Variants in ZNF485 observed in about 807,000 individuals in gnomAD.
ZNF485 encodes zinc finger protein 485.
Under a neutral mutation model 10.8 loss-of-function variants are expected in ZNF485, and 9 were observed. The ratio of observed to expected loss-of-function variants is 0.83; its 90% CI spans 0.50 to 1.45. The LOEUF is 1.45. Among genes scored for constraint, ZNF485 ranks in the 40% most tolerant of loss-of-function variants. The probability of loss-of-function intolerance (pLI) is 0.00; values close to 1 mark genes in which losing one functional copy is unlikely to be tolerated. For missense variants in ZNF485, 487 were observed against 528.0 expected (o/e 0.92, Z 0.76); for synonymous variants, 187 against 181.0 (o/e 1.03, Z -0.27).
At chr10:43,610,071 C>T (rs1164596578) in intron 4 of ZNF485, among the ~76,000 whole-genome samples, 1 of 152,146 alleles carries the variant, frequency 6.6e-6, no homozygotes, top group African/African-American at 2.4e-5. Flanking sequence ...GTTGCAGATT[C>T]CAAACATAAG....
At chr10:43,616,239 CTTTCAGCA>C (rs1418491138) in intron 4 of ZNF485, 44 bp from the exon 5 acceptor site, 18 of 1,424,844 alleles carry the variant, frequency 1.3e-5, no homozygotes, top group Non-Finnish European at 1.3e-5. Flanking sequence ...ACAACTCTCA[CTTTCAGCA>C]TTTCAACATA....
intron 4 of ZNF485, among the ~76,000 whole-genome samples, chr10:43,613,812 C>T (rs1838807549): frequency 6.6e-6 from 1 of 152,204 alleles, no homozygotes; most frequent in Admixed American, 6.5e-5. Context: ...GTTCCATGTC[C>T]TGGCTAGCAC....
chr10:43,616,348 C>T lies in ZNF485; in HGVS notation c.305C>T (p.Ala102Val), dbSNP rs995708009. The part of the protein sequence containing the change: ...MSALKQSTSE[A>V]SVLGERTKSV... ...GCCCTAAAGCAAAGCACTTCTGAAG[C>T]ATCTGTTCTGGGAGAGCGAACGAAA... The change falls in exon 5 of 5, where the codon GCA (alanine) becomes GTA (valine). Residue 102 changes from alanine to valine, a missense_variant. Transcript: ENST00000361807. 1.2e-6 allele frequency: 2 copies of T among 1,611,244 alleles called. No homozygotes were observed. The highest frequency in any genetic ancestry group is 1.7e-5 in the Admixed American group (1 of 59,090).
At chr10:43,611,791 CT>C (rs1185042170) in intron 4 of ZNF485, among the ~76,000 whole-genome samples, 1 of 152,156 alleles carries the variant, frequency 6.6e-6, no homozygotes, top group Non-Finnish European at 1.5e-5. Flanking sequence ...TTGTATTTAT[CT>C]TTCCTGAGAA....
chr10:43,607,354 A>C, intron 2 of ZNF485: 1 of 570,534 alleles, frequency 1.8e-6, no homozygotes. Context: ...GTAGGCCATA[A>C]AGACATAGGG....
chr10:43,613,603 T>C (rs941755392), intron 4 of ZNF485, among the ~76,000 whole-genome samples: 1 of 152,246 alleles, frequency 6.6e-6, no homozygotes, highest in Non-Finnish European at 1.5e-5. Context: ...AGTTTCTCTC[T>C]TACATTCAGA....
chr10:43,612,253 T>A (rs920366255), intron 4 of ZNF485, among the ~76,000 whole-genome samples: 2 of 152,246 alleles, frequency 1.3e-5, no homozygotes, highest in African/African-American at 4.8e-5. Flanking sequence ...AATATGACAG[T>A]GGATGATTCT....
In ZNF485 at chr10:43,609,298, A is replaced by G. The variant is rs746501552; in HGVS notation, c.195A>G (p.Gln65=). 26 of 1,613,896 alleles carry G rather than the reference A, an allele frequency of 1.6e-5. 1 individual carries two copies. The highest frequency in any genetic ancestry group is 1.9e-5 in the Non-Finnish European group (23 of 1,179,960). ...CAAAACTAATTACTCAGTTGGAGCA[A>G]GGGGCAGAGCCCTGGACTGAGGTGC... ...SKPKLITQLE[Q]GAEPWTEVRE... is the part of the protein sequence containing the mutation. Residue 65 remains glutamine, a synonymous_variant, in exon 4 of 5, where the codon CAA becomes CAG. Transcript: ENST00000361807.
chr10:43,609,323 C>A lies in ZNF485; in HGVS notation c.220C>A (p.Arg74=). ...AGGGGCAGAGCCCTGGACTGAGGTG[C>A]GAGAGGCTCCATCAGGCACACATGC... The part of the protein sequence containing the change: ...EQGAEPWTEV[R]EAPSGTHAVE... The change falls in exon 4 of 5, where the codon CGA becomes AGA. Residue 74 remains arginine, a synonymous_variant. Coordinates refer to ENST00000361807, the MANE Select transcript of ZNF485 (RefSeq NM_145312.4). The A allele has an allele frequency of 2.5e-6, 4 of 1,613,844 alleles. No homozygotes were observed. The highest frequency in any genetic ancestry group is 3.4e-6 in the Non-Finnish European group (4 of 1,179,842).
At chr10:43,612,063 A>G (rs1281280139) in intron 4 of ZNF485, among the ~76,000 whole-genome samples, 1 of 152,248 alleles carries the variant, frequency 6.6e-6, no homozygotes, top group Non-Finnish European at 1.5e-5. Context: ...ATTTAAAGGA[A>G]GTATTTCATT....
rs993924405 is a variant in ZNF485, at chr10:43,607,775, C to G, written c.24+701C>G. Among the ~76,000 whole-genome samples, 3 of 152,046 alleles carry G rather than the reference C, an allele frequency of 2.0e-5. No individual in the cohort carries two copies. In the East Asian group the frequency reaches 5.8e-4, roughly 29 times the overall value. On this transcript the variant is annotated intron_variant, in intron 2 of 4. Transcript: ENST00000361807. The stretch of plus-strand genomic sequence containing the variant: ...AAACACACTTTTCATTTTTTTAAGG[C>G]TTACTCATTTTTTCTTTTAGTATTT...
chr10:43,616,916 C>G lies in ZNF485; in HGVS notation c.873C>G (p.Ile291Met). ...DNSTVLEHQKIHTGEKPYQCN... is the reference protein window; with the variant it reads ...DNSTVLEHQKMHTGEKPYQCN... ...CAACTGTGTTGGAACATCAGAAAAT[C>G]CATACTGGTGAGAAGCCATATCAGT... The change falls in exon 5 of 5, where the codon ATC becomes ATG. Residue 291 changes from isoleucine (I) to methionine (M), a missense_variant. By Grantham distance (10) the Ile-to-Met change is conservative. Transcript: ENST00000361807. The G allele has an allele frequency of 6.2e-7, 1 of 1,614,058 alleles. No individual in the cohort carries two copies. The highest frequency in any genetic ancestry group is 8.5e-7 in the Non-Finnish European group (1 of 1,180,034).
rs1339759499 is a variant in ZNF485, at chr10:43,617,456, G to C, written c.*87G>C. 3 of 958,734 alleles carry C rather than the reference G, an allele frequency of 3.1e-6. No homozygotes were observed. The highest frequency in any genetic ancestry group is 4.6e-6 in the Non-Finnish European group (3 of 646,776). 59.4% of individuals were successfully genotyped at this position (958,734 alleles called of 1,614,324 possible). On this transcript the variant is annotated 3_prime_UTR_variant, in exon 5 of 5. Coordinates refer to ENST00000361807, the MANE Select transcript of ZNF485 (RefSeq NM_145312.4). ...ATTATGCATTTAACAGAAATACTCT[G>C]TACTTCTGAGAGAACACATCACTTG...
Position 43,606,457 on chromosome 10 carries a change from AGCC to A in ZNF485, c.-143_-141del. Reference sequence around the variant, plus strand: ...CTCCGCGTGGTGCGAGCGCTGCACCAGCCCCTGGCTGGTGGTTACTGTCCGAAC... The same window carrying A: ...CTCCGCGTGGTGCGAGCGCTGCACCACCTGGCTGGTGGTTACTGTCCGAAC... On this transcript the variant is annotated 5_prime_UTR_variant, in exon 1 of 5. Coordinates refer to ENST00000361807, the MANE Select transcript of ZNF485 (RefSeq NM_145312.4). 2.4e-6 allele frequency: 1 copy of A among 412,284 alleles called. No homozygotes were observed. Among genetic ancestry groups the A allele is most frequent in the Non-Finnish European group, 4.5e-6 (1 of 220,504 alleles). 25.5% of individuals were successfully genotyped at this position (412,284 alleles called of 1,614,324 possible).
At chr10:43,614,398 C>G (rs751033246) in intron 4 of ZNF485, among the ~76,000 whole-genome samples, 1 of 152,110 alleles carries the variant, frequency 6.6e-6, no homozygotes, top group Non-Finnish European at 1.5e-5. Context: ...GCAATCCTGT[C>G]TCAGCTTCCT....
rs2132356220 is a variant in ZNF485, at chr10:43,617,179, A to G, written c.1136A>G (p.Glu379Gly). ...LTGHQRIHTG[E>G]KPYHCKKCGK... is the part of the protein sequence containing the mutation. ...GGACATCAGAGAATTCATACTGGAG[A>G]AAAACCCTATCACTGTAAGAAATGT... Residue 379 changes from glutamate (E) to glycine (G), a missense_variant, in exon 5 of 5, where the codon GAA becomes GGA. Transcript: ENST00000361807. The G allele has an allele frequency of 6.2e-7, 1 of 1,614,240 alleles. No individual in the cohort carries two copies. The highest frequency in any genetic ancestry group is 8.5e-7 in the Non-Finnish European group (1 of 1,180,038).
chr10:43,617,041 A>T lies in ZNF485; in HGVS notation c.998A>T (p.Lys333Ile). The change falls in exon 5 of 5, where the codon AAA (lysine) becomes ATA (isoleucine). Residue 333 changes from lysine (K) to isoleucine (I), a missense_variant. Coordinates refer to ENST00000361807, the MANE Select transcript of ZNF485 (RefSeq NM_145312.4). ...CCCTATCACTGCAGTAAATGTGGAA[A>T]ATCTTTCAGGTATAGCTCATCCTTT... ...EKPYHCSKCG[K>I]SFRYSSSFAG... 1.2e-6 allele frequency: 2 copies of T among 1,614,232 alleles called. No individual in the cohort carries two copies. Among genetic ancestry groups the T allele is most frequent in the Non-Finnish European group, 1.7e-6 (2 of 1,180,046 alleles).
Position 43,616,781 on chromosome 10 carries a change from C to T in ZNF485, c.738C>T (p.Asp246=), listed in dbSNP as rs868458354. The change falls in exon 5 of 5, where the codon GAC becomes GAT. Residue 246 remains aspartate, a synonymous_variant. Coordinates refer to ENST00000361807, the MANE Select transcript of ZNF485 (RefSeq NM_145312.4). ...HTGQKPYKCN[D]CGKAFAQNAA... ...GCCAGAAACCCTACAAATGTAATGA[C>T]TGTGGGAAAGCCTTCGCTCAGAATG... is the stretch of plus-strand genomic sequence containing the variant. 1.2e-6 allele frequency: 2 copies of T among 1,614,068 alleles called. No individual in the cohort carries two copies. The highest frequency in any genetic ancestry group is 1.7e-5 in the Admixed American group (1 of 60,032).
intron 2 of ZNF485, among the ~76,000 whole-genome samples, chr10:43,607,693 T>G (rs909999980): frequency 3.9e-5 from 6 of 152,202 alleles, no homozygotes; most frequent in African/African-American, 1.4e-4. Context: ...CAAATAAAAT[T>G]AAAAAAATTA....
Sources: gnomAD v4.1 joint callset for allele counts (sites outside exome capture counted in the v4.1 genomes callset) on GRCh38, gnomAD v4.1.1 for gene constraint, MANE v1.5 for transcripts, NCBI Gene and HGNC (gene_info 2026-07-23, HGNC 2026-07-21) for gene names.